Variants in ST8SIA2 observed in about 807,000 individuals in gnomAD.
ST8SIA2 encodes ST8 alpha-N-acetyl-neuraminide alpha-2,8-sialyltransferase 2, also known as alpha-2,8-sialyltransferase 8B.
Under a neutral mutation model 37.6 loss-of-function variants are expected in ST8SIA2, and 22 were observed. The observed-to-expected ratio is 0.58, with a 90% CI of 0.42 to 0.83. The LOEUF (loss-of-function observed/expected upper bound fraction) is 0.83. Among genes scored for constraint, ST8SIA2 ranks in the 40% least tolerant of loss-of-function variants. The pLI, the probability that ST8SIA2 is intolerant of heterozygous loss-of-function variation, is 0.00. For synonymous variants in ST8SIA2, 205 were observed against 201.2 expected (o/e 1.02, Z -0.16); for missense variants, 382 against 484.7 (o/e 0.79, Z 1.99).
At chr15:92,399,308 A>G (rs1330987021) in intron 1 of ST8SIA2, among the ~76,000 whole-genome samples, 1 of 152,210 alleles carries the variant, frequency 6.6e-6, no homozygotes, top group Non-Finnish European at 1.5e-5. Context: ...GTTAGAATGG[A>G]CATCTGACCC....
At chr15:92,424,853 C>G (rs2049664098) in intron 1 of ST8SIA2, among the ~76,000 whole-genome samples, 1 of 152,144 alleles carries the variant, frequency 6.6e-6, no homozygotes, top group African/African-American at 2.4e-5. Context: ...CTCAGGTGAT[C>G]CACCCGCCTC....
rs559644711 is a variant in ST8SIA2 at position 92,394,091 on chromosome 15, G to T, written c.27G>T (p.Met9Ile). The T allele has an allele frequency of 4.6e-4, 722 of 1,556,344 alleles. 8 individuals carry two copies. The South Asian group carries it at 7.9e-3, about 17-fold the overall frequency. ...TGCAGCTGCAGTTCCGGAGCTGGAT[G>T]CTGGCCGCGCTCACGCTGCTCGTGG... The part of the protein sequence containing the change: MQLQFRSW[M>I]LAALTLLVVF... The change falls in exon 1 of 6, where the codon ATG becomes ATT. Residue 9 changes from methionine (M) to isoleucine (I), a missense_variant. By Grantham distance (10) the Met-to-Ile change is conservative. Coordinates refer to ENST00000268164, the MANE Select transcript of ST8SIA2 (RefSeq NM_006011.4).
chr15:92,432,460 T>C (rs1448795217), intron 2 of ST8SIA2, among the ~76,000 whole-genome samples: 1 of 152,186 alleles, frequency 6.6e-6, no homozygotes, highest in Non-Finnish European at 1.5e-5. Context: ...GAGATGGATA[T>C]CTGTCTCTTC....
At chr15:92,399,126 G>A (rs1567208795) in intron 1 of ST8SIA2, among the ~76,000 whole-genome samples, 1 of 152,192 alleles carries the variant, frequency 6.6e-6, no homozygotes, top group Admixed American at 6.5e-5. Context: ...GTGGAGCCTG[G>A]GGCTAAAGTG....
chr15:92,409,198 C>T (rs142522349), intron 1 of ST8SIA2, among the ~76,000 whole-genome samples: 130 of 152,262 alleles, frequency 8.5e-4, no homozygotes, highest in African/African-American at 3.0e-3. Context: ...AAGCTGGCTC[C>T]AGGCAGGCTG....
intron 1 of ST8SIA2, among the ~76,000 whole-genome samples, chr15:92,396,065 A>G (rs529249786): frequency 6.6e-6 from 1 of 152,190 alleles, no homozygotes; most frequent in Non-Finnish European, 1.5e-5. Context: ...GACTTGTCTC[A>G]CTTGAGTGCT....
intron 1 of ST8SIA2, among the ~76,000 whole-genome samples, chr15:92,396,862 A>G (rs1353604768): frequency 2.0e-5 from 3 of 152,208 alleles, no homozygotes; most frequent in Admixed American, 6.5e-5. Flanking sequence ...GTGCCCAATA[A>G]GAGCCTTGGC....
At chr15:92,437,314 G>C (rs17521726) in intron 3 of ST8SIA2, among the ~76,000 whole-genome samples, 4 of 151,880 alleles carry the variant, frequency 2.6e-5, no homozygotes, top group African/African-American at 9.7e-5. Flanking sequence ...TAAGTAAAAC[G>C]CCCAGCTAGG....
chr15:92,434,194 G>A (rs531522630), intron 2 of ST8SIA2, 53 bp from the exon 3 acceptor site: 147 of 1,610,660 alleles, frequency 9.1e-5, no homozygotes, highest in East Asian at 2.2e-4. Flanking sequence ...TAGACTTGTC[G>A]TCGGCTTGCT....
At chr15:92,426,490 T>C (rs1227476271) in intron 1 of ST8SIA2, among the ~76,000 whole-genome samples, 2 of 152,094 alleles carry the variant, frequency 1.3e-5, no homozygotes, top group East Asian at 1.9e-4. Context: ...AGAACTGGCA[T>C]GGAAAAGTGC....
intron 1 of ST8SIA2, among the ~76,000 whole-genome samples, chr15:92,404,358 G>T (rs2049492267): frequency 6.6e-6 from 1 of 152,058 alleles, no homozygotes; most frequent in South Asian, 2.1e-4. Context: ...CTGTATAATG[G>T]GGTTAATGAT....
At chr15:92,411,576 T>C (rs937039950) in intron 1 of ST8SIA2, among the ~76,000 whole-genome samples, 5 of 152,156 alleles carry the variant, frequency 3.3e-5, no homozygotes, top group Non-Finnish European at 7.4e-5. Flanking sequence ...AGTTTATCTA[T>C]GTGGAAATGA....
intron 5 of ST8SIA2, among the ~76,000 whole-genome samples, chr15:92,454,047 G>A (rs1187845123): frequency 6.6e-6 from 1 of 152,250 alleles, no homozygotes; most frequent in Non-Finnish European, 1.5e-5. Flanking sequence ...TACTGAGGTG[G>A]TGGAGAGGAA....
intron 1 of ST8SIA2, among the ~76,000 whole-genome samples, chr15:92,399,986 G>T (rs1012618233): frequency 1.3e-5 from 2 of 152,196 alleles, no homozygotes; most frequent in African/African-American, 4.8e-5. Flanking sequence ...GCCGGCCTGG[G>T]CTCCAGCCAT....
intron 1 of ST8SIA2, among the ~76,000 whole-genome samples, chr15:92,428,243 A>G (rs970326192): frequency 2.6e-5 from 4 of 152,146 alleles, no homozygotes; most frequent in African/African-American, 9.7e-5. Context: ...ATTTAAGTGG[A>G]TAATAGTGTG....
At chr15:92,458,723 G>A (rs1385177968) in intron 5 of ST8SIA2, among the ~76,000 whole-genome samples, 1 of 152,184 alleles carries the variant, frequency 6.6e-6, no homozygotes, top group Non-Finnish European at 1.5e-5. Context: ...GAAGGACACT[G>A]GTGCACGGGT....
At chr15:92,441,201 T>G (rs2049798718) in intron 4 of ST8SIA2, among the ~76,000 whole-genome samples, 1 of 152,206 alleles carries the variant, frequency 6.6e-6, no homozygotes, top group Admixed American at 6.5e-5. Flanking sequence ...GAACACAAGC[T>G]TGTAAGTCCT....
chr15:92,398,820 T>C (rs1472864702), intron 1 of ST8SIA2, among the ~76,000 whole-genome samples: 1 of 152,220 alleles, frequency 6.6e-6, no homozygotes, highest in African/African-American at 2.4e-5. Flanking sequence ...GTTATTTTTT[T>C]TACCCTGAGC....
chr15:92,434,522 C>A, intron 3 of ST8SIA2, 147 bp downstream of exon 3: 4 of 1,281,054 alleles, frequency 3.1e-6, no homozygotes, highest in African/African-American at 1.5e-5. Flanking sequence ...AGTGATCAAT[C>A]GGAAATAAAA....
Sources: allele counts gnomAD v4.1 joint callset (sites outside exome capture counted in the v4.1 genomes callset), GRCh38; gene constraint gnomAD v4.1.1; transcripts MANE v1.5; gene names NCBI Gene and HGNC (gene_info 2026-07-23, HGNC 2026-07-21).